TRIM33: variants seen among roughly 807,000 people sequenced by gnomAD.
The protein encoded by TRIM33 is tripartite motif containing 33.
In TRIM33, 20 loss-of-function variants were observed where a neutral mutation model predicts 125.4. The ratio of observed to expected loss-of-function variants is 0.16; its 90% confidence interval spans 0.11 to 0.23. TRIM33 has a LOEUF of 0.23. TRIM33 is among the 10% of genes least tolerant of loss of function. TRIM33 has a pLI of 1.00. For missense variants in TRIM33, 920 were observed against 1,411.4 expected, an observed-to-expected ratio of 0.65 and a Z score of 5.58; for synonymous variants, 564 against 513.9, an observed-to-expected ratio of 1.10 and a Z score of -1.32.
chr1:114,489,950 T>C (rs1304064700), intron 1 of TRIM33, among the ~76,000 whole-genome samples: 3 of 151,182 alleles, frequency 2.0e-5, no homozygotes, highest in African/African-American at 7.3e-5. Flanking sequence ...AAATCAGATA[T>C]AAGGGTGCAG....
intron 1 of TRIM33, among the ~76,000 whole-genome samples, chr1:114,490,084 CAAA>C (rs776451339): frequency 0.013 from 477 of 37,600 alleles, 6 homozygotes; most frequent in African/African-American, 0.046. Flanking sequence ...GACTCCGTCT[CAAA>C]AAAAAAAAAA....
chr1:114,467,178 G>A (rs7527168), intron 1 of TRIM33, among the ~76,000 whole-genome samples: 3,487 of 152,216 alleles, frequency 0.023, 128 homozygotes, highest in African/African-American at 0.079. Flanking sequence ...AACTAAGGCA[G>A]TATTAAAGGA....
chr1:114,427,142 T>C, intron 8 of TRIM33, 35 bp downstream of exon 8: 7 of 1,054,372 alleles, frequency 6.6e-6, no homozygotes, highest in Non-Finnish European at 9.9e-6. Context: ...AATTCAGTGT[T>C]CCAAGTTATA....
At chr1:114,468,779 C>T (rs554652430) in intron 1 of TRIM33, 41 of 373,576 alleles carry the variant, frequency 1.1e-4, no homozygotes, top group African/African-American at 8.1e-4. Context: ...AAAAAGATGA[C>T]AGTATCTCAT....
intron 4 of TRIM33, among the ~76,000 whole-genome samples, chr1:114,462,171 G>T (rs1650042391): frequency 6.6e-6 from 1 of 152,150 alleles, no homozygotes; most frequent in Non-Finnish European, 1.5e-5. Context: ...AAACCTCATG[G>T]ATAGTTGGTG....
intron 18 of TRIM33, 33 bp downstream of exon 18, chr1:114,399,424 A>G (rs1464604532): frequency 8.8e-6 from 14 of 1,582,624 alleles, no homozygotes; most frequent in Non-Finnish European, 1.2e-5. Context: ...AAAACTAACA[A>G]ATCAAGACTC....
At chr1:114,507,508 C>A (rs1653069976) in intron 1 of TRIM33, among the ~76,000 whole-genome samples, 1 of 152,144 alleles carries the variant, frequency 6.6e-6, no homozygotes, top group African/African-American at 2.4e-5. Context: ...GCTATGATCT[C>A]CAGACCAGAG....
rs566957882 is a variant in TRIM33, at chr1:114,452,522, T to C, written c.923+10582A>G. Among the ~76,000 whole-genome samples, 249 of 152,104 alleles carry C rather than the reference T, an allele frequency of 1.6e-3. 1 individual carries two copies. The highest frequency in any genetic ancestry group is 5.7e-3 in the African/African-American group (235 of 41,482). On this transcript the variant is annotated intron_variant, in intron 4 of 19. Transcript: ENST00000358465. The stretch of plus-strand genomic sequence containing the variant: ...ACTACAGATCTTCATAAAATCTTAA[T>C]GTTTAATTCAACATTTTTTAACCTC...
Position 114,410,217 on chromosome 1 carries a change from GAGA to G in TRIM33, c.2158_2160del (p.Ser720del). 1 of 1,614,062 alleles carries G rather than the reference GAGA, an allele frequency of 6.2e-7. No individual in the cohort carries two copies. The highest frequency in any genetic ancestry group is 8.5e-7 in the Non-Finnish European group (1 of 1,179,982). On this transcript the variant is annotated inframe_deletion, in exon 12 of 20. Transcript: ENST00000358465. ...CCCGGAGAAAGGGCAGAGGGACCTG[GAGA>G]AGGATTCATGGTGCTTGTAGGCTGT... is the stretch of plus-strand genomic sequence containing the variant.
At chr1:114,478,780 G>A (rs188251186) in intron 1 of TRIM33, among the ~76,000 whole-genome samples, 44 of 152,330 alleles carry the variant, frequency 2.9e-4, no homozygotes, top group Middle Eastern at 3.4e-3. Flanking sequence ...AGGCGTGGTG[G>A]CTCACTCCTG....
rs139416982 is a variant in TRIM33 at position 114,398,906 on chromosome 1, A to C, written c.3120+551T>G. Reference sequence around the variant, plus strand: ...TAACTCAAACTTACCCTCAAAAAAAAAAAAAAAAACAAAACAAAACAAAAC... The same window carrying C: ...TAACTCAAACTTACCCTCAAAAAAACAAAAAAAAACAAAACAAAACAAAAC... On this transcript the variant is annotated intron_variant, in intron 18 of 19. Coordinates refer to ENST00000358465, the MANE Select transcript of TRIM33 (RefSeq NM_015906.4). Among the ~76,000 whole-genome samples, 446 of 149,566 alleles carry C rather than the reference A, an allele frequency of 3.0e-3. 22 individuals carry two copies. In the East Asian group the frequency reaches 0.077, roughly 26 times the overall value.
intron 4 of TRIM33, among the ~76,000 whole-genome samples, chr1:114,436,460 CAG>C (rs1267044395): frequency 1.4e-5 from 2 of 145,870 alleles, no homozygotes; most frequent in Non-Finnish European, 3.0e-5. Flanking sequence ...TGAATATTTT[CAG>C]AGAGTTTTTT....
intron 1 of TRIM33, among the ~76,000 whole-genome samples, chr1:114,469,870 T>C (rs1199859880): frequency 1.3e-5 from 2 of 152,158 alleles, no homozygotes; most frequent in African/African-American, 4.8e-5. Flanking sequence ...AGGGAAAACT[T>C]GGAGATATGA....
chr1:114,427,682 G>A (rs764570305), intron 7 of TRIM33, 66 bp downstream of exon 7: 2 of 1,468,576 alleles, frequency 1.4e-6, no homozygotes, highest in Non-Finnish European at 1.9e-6. Flanking sequence ...TTAAACAGGT[G>A]CAATTCACTG....
chr1:114,410,116 G>A, intron 12 of TRIM33, 68 bp downstream of exon 12: 2 of 1,568,524 alleles, frequency 1.3e-6, no homozygotes, highest in East Asian at 2.2e-5. Flanking sequence ...GGAGAATTCT[G>A]ACTAAGACAG....
At chr1:114,421,061 T>G (rs1213159108) in intron 11 of TRIM33, among the ~76,000 whole-genome samples, 1 of 152,084 alleles carries the variant, frequency 6.6e-6, no homozygotes, top group Non-Finnish European at 1.5e-5. Context: ...AAGAAGGAAA[T>G]TCTGTCATCT....
intron 1 of TRIM33, among the ~76,000 whole-genome samples, chr1:114,474,720 T>C (rs964033896): frequency 2.6e-5 from 4 of 151,018 alleles, no homozygotes; most frequent in African/African-American, 9.8e-5. Context: ...GGAGAAACCC[T>C]GTCTCTACTA....
At chr1:114,486,393 G>A (rs575400163) in intron 1 of TRIM33, among the ~76,000 whole-genome samples, 12 of 150,276 alleles carry the variant, frequency 8.0e-5, no homozygotes, top group South Asian at 2.1e-4. Context: ...AAATGGAGAC[G>A]GGCAGATAAC....
chr1:114,475,520 A>C (rs898098686), intron 1 of TRIM33, among the ~76,000 whole-genome samples: 3 of 152,112 alleles, frequency 2.0e-5, no homozygotes, highest in Admixed American at 6.6e-5. Flanking sequence ...TCTGTACTAA[A>C]AATACAAAAA....
Sources: allele counts gnomAD v4.1 joint callset (sites outside exome capture counted in the v4.1 genomes callset), GRCh38; gene constraint gnomAD v4.1.1; transcripts MANE v1.5; gene names NCBI Gene and HGNC (gene_info 2026-07-23, HGNC 2026-07-21).